TMEM94: variants seen among roughly 807,000 people sequenced by gnomAD.
TMEM94 encodes the protein transmembrane protein 94.
Under a neutral mutation model 158.6 loss-of-function variants are expected in TMEM94, and 81 were observed. The observed-to-expected ratio is 0.51, with a 90% CI of 0.43 to 0.61. TMEM94 has a LOEUF of 0.61. TMEM94 is among the 20% of genes least tolerant of loss of function. TMEM94 has a pLI of 0.00. For synonymous variants in TMEM94, 751 were observed against 730.7 expected (o/e 1.03, Z -0.45); for missense variants, 1,435 against 1,762.0 (o/e 0.81, Z 3.32).
chr17:75,495,736 A>C lies in TMEM94; in HGVS notation c.2944+93A>C. 7 of 1,250,762 alleles carry C rather than the reference A, an allele frequency of 5.6e-6. No homozygotes were observed. The highest frequency in any genetic ancestry group is 8.1e-6 in the Non-Finnish European group (7 of 868,258). 77.5% of individuals were successfully genotyped at this position (1,250,762 alleles called of 1,614,324 possible). On this transcript the variant is annotated intron_variant, in intron 22 of 31. Transcript: ENST00000314256. This position sits in a 1 kb window ranked among gnomAD's most constrained non-coding sequence, Gnocchi z 5.6. ...TACCCCGTGGGCTCTGGAGGGATGT[A>C]GGTTTCCCATGCAGGGAGTAAAGGA...
rs377026547 is a variant in TMEM94, at chr17:75,497,896, G to A, written c.3489+34G>A. On this transcript the variant is annotated intron_variant, in intron 27 of 31. Coordinates refer to ENST00000314256, the MANE Select transcript of TMEM94 (RefSeq NM_014738.6). ...AACAGACCCTGTGAGCCTTGCAAGT[G>A]AGCATGGAAGGGACTGAGGATTGGG... 14 of 1,572,496 alleles carry A rather than the reference G, an allele frequency of 8.9e-6. No individual in the cohort carries two copies. In the African/African-American group the frequency reaches 1.9e-4, roughly 21 times the overall value.
In TMEM94 at chr17:75,485,715, G is replaced by T; in HGVS notation, c.145-156G>T. The T allele has an allele frequency of 7.6e-7, 1 of 1,321,682 alleles. No individual in the cohort carries two copies. 81.9% of individuals were successfully genotyped at this position (1,321,682 alleles called of 1,614,324 possible). The stretch of plus-strand genomic sequence containing the variant: ...AGGTTCCCCTCAGAGTGGCTCCTGA[G>T]CCTGCTTGCTGCAGGAGCCCAACAG... On this transcript the variant is annotated intron_variant, in intron 3 of 31. Coordinates refer to ENST00000314256, the MANE Select transcript of TMEM94 (RefSeq NM_014738.6). The surrounding 1 kb of genome is among the most constrained non-coding windows in gnomAD (Gnocchi z 5.5).
chr17:75,471,676 T>C (rs2050508732), intron 1 of TMEM94, 124 bp from the exon 2 acceptor site: 2 of 459,880 alleles, frequency 4.3e-6, no homozygotes, highest in African/African-American at 4.1e-5. Flanking sequence ...ATCGCGCCAC[T>C]GCACTCCAGC....
In TMEM94 at chr17:75,494,737, C is replaced by T; in HGVS notation, c.2518C>T (p.Leu840Phe). ...CCAGGCCCGGCTGGACATCGTGCGC[C>T]TCATTGATGGGCTTGTCAACGCCTG... is the stretch of plus-strand genomic sequence containing the variant. ...QYQARLDIVR[L>F]IDGLVNACIR... The change falls in exon 19 of 32, where the codon CTC (leucine) becomes TTC (phenylalanine). Residue 840 changes from leucine (L) to phenylalanine (F), a missense_variant. Leu to Phe is a conservative substitution (Grantham distance 22). Around this residue, in one of 3 missense-constraint regions of TMEM94, gnomAD observed 1,051 missense variants for 1,254.4 expected, o/e 0.84. Transcript: ENST00000314256. 1.3e-5 allele frequency: 21 copies of T among 1,613,768 alleles called. No homozygotes were observed. The highest frequency in any genetic ancestry group is 1.6e-5 in the Non-Finnish European group (19 of 1,180,036).
intron 2 of TMEM94, among the ~76,000 whole-genome samples, chr17:75,474,421 A>G (rs1397492160): frequency 1.3e-5 from 2 of 152,190 alleles, no homozygotes; most frequent in Non-Finnish European, 2.9e-5. Context: ...TGGGCAGATC[A>G]CCTAAGGTCA....
chr17:75,482,516 ATATATATATATG>A (rs1359641925), intron 2 of TMEM94, among the ~76,000 whole-genome samples: 1 of 114,814 alleles, frequency 8.7e-6, no homozygotes, highest in African/African-American at 3.4e-5. Context: ...CAATTTAAAA[ATATATATATATG>A]TATGTATGTA....
In TMEM94 at chr17:75,493,884, A is replaced by G; in HGVS notation, c.2375A>G (p.Gln792Arg). ...CELPSTIPIKQNARRSSWSSD... is the reference protein window; with the variant it reads ...CELPSTIPIKRNARRSSWSSD... The stretch of plus-strand genomic sequence containing the variant: ...CTGCCCAGCACCATCCCCATCAAGC[A>G]GAACGCCCGCCGCAGCAGCTGGAGC... Residue 792 changes from glutamine to arginine, a missense_variant, in exon 18 of 32, where the codon CAG becomes CGG. Transcript: ENST00000314256. The G allele has an allele frequency of 1.2e-6, 2 of 1,611,700 alleles. No individual in the cohort carries two copies. The highest frequency in any genetic ancestry group is 8.5e-7 in the Non-Finnish European group (1 of 1,179,876).
chr17:75,472,572 C>T (rs575862944), intron 2 of TMEM94, among the ~76,000 whole-genome samples: 1 of 152,288 alleles, frequency 6.6e-6, no homozygotes, highest in African/African-American at 2.4e-5. Context: ...TTCTGTAATC[C>T]CAGCTACTTG....
intron 1 of TMEM94, among the ~76,000 whole-genome samples, chr17:75,465,261 G>A (rs985858117): frequency 5.3e-5 from 8 of 151,114 alleles, no homozygotes; most frequent in African/African-American, 1.2e-4. Context: ...ATCCTCCCCC[G>A]TCAGCCTCCC....
intron 2 of TMEM94, chr17:75,476,360 C>T (rs1174448812): frequency 6.5e-6 from 3 of 459,346 alleles, no homozygotes; most frequent in African/African-American, 2.0e-5. Context: ...TATCTGGCAG[C>T]GCGTTGGACA....
intron 1 of TMEM94, among the ~76,000 whole-genome samples, chr17:75,462,828 A>C (rs1356375324): frequency 7.9e-6 from 1 of 126,636 alleles, no homozygotes; most frequent in Non-Finnish European, 1.6e-5. Context: ...TTGTGTCTAC[A>C]AAAAAAAAAA....
Position 75,489,890 on chromosome 17 carries a change from C to A in TMEM94, c.954+228C>A. On this transcript the variant is annotated intron_variant, in intron 9 of 31. Coordinates refer to ENST00000314256, the MANE Select transcript of TMEM94 (RefSeq NM_014738.6). This position sits in a 1 kb window ranked among gnomAD's most constrained non-coding sequence, Gnocchi z 5.0. ...GGTCAAGAGATCGAGACCATCCTGGCCAATATGGTGAAACCCCGTCTCTAC... is the reference window on the plus strand; with the variant it reads ...GGTCAAGAGATCGAGACCATCCTGGACAATATGGTGAAACCCCGTCTCTAC... 1 of 588,142 alleles carries A rather than the reference C, an allele frequency of 1.7e-6. No individual in the cohort carries two copies. Among genetic ancestry groups the A allele is most frequent in the Non-Finnish European group, 3.0e-6 (1 of 328,634 alleles). The allele number at this position is 588,142 out of a possible 1,614,324, so 36.4% of individuals were successfully genotyped here.
rs780837664 is a variant in TMEM94, at chr17:75,486,360, C to T, written c.343C>T (p.Arg115Trp). Residue 115 changes from arginine (R) to tryptophan (W), a missense_variant, in exon 5 of 32, where the codon CGG (arginine) becomes TGG (tryptophan). This residue lies in a region of TMEM94 where 1,051 missense variants were observed against 1,254.4 expected (regional missense o/e 0.84). Coordinates refer to ENST00000314256, the MANE Select transcript of TMEM94 (RefSeq NM_014738.6). ...LLLLNLVLIG[R>W]QDRLKRREVE... ...GCTTCTCAACCTTGTGCTCATCGGG[C>T]GGCAAGACCGGCTGAAGCGTCGGGA... The T allele has an allele frequency of 1.5e-5, 25 of 1,614,060 alleles. No homozygotes were observed. The highest frequency in any genetic ancestry group is 1.5e-4 in the African/African-American group (11 of 74,920).
In TMEM94 at chr17:75,490,344, C is replaced by T; in HGVS notation, c.1065C>T (p.Ser355=). ...VLAQMSKASP[S]SLLAKFSEDT... is the part of the protein sequence containing the mutation. ...CCCAGATGAGCAAGGCCTCACCCAG[C>T]TCCCTGGTAGGTTTTTCCAAGGTGT... Residue 355 remains serine, a synonymous_variant, in exon 10 of 32, where the codon AGC becomes AGT. Coordinates refer to ENST00000314256, the MANE Select transcript of TMEM94 (RefSeq NM_014738.6). 1.2e-6 allele frequency: 2 copies of T among 1,613,046 alleles called. No individual in the cohort carries two copies. The highest frequency in any genetic ancestry group is 1.7e-6 in the Non-Finnish European group (2 of 1,179,762).
rs759948702 is a variant in TMEM94, at chr17:75,498,935, C to T, written c.3851C>T (p.Thr1284Met). 18 of 1,560,396 alleles carry T rather than the reference C, an allele frequency of 1.2e-5. No homozygotes were observed. Among genetic ancestry groups the T allele is most frequent in the Admixed American group, 5.4e-5 (3 of 55,158 alleles). The change falls in exon 31 of 32, where the codon ACG becomes ATG. Residue 1284 changes from threonine (T) to methionine (M), a missense_variant. Thr to Met is a moderately conservative substitution (Grantham distance 81). Coordinates refer to ENST00000314256, the MANE Select transcript of TMEM94 (RefSeq NM_014738.6). This position sits in a 1 kb window ranked among gnomAD's most constrained non-coding sequence, Gnocchi z 6.7. ...AGGCTGCTGGGTCAGGTGGTCCAGACGGCTGTGGACCTGCAGCTGTGGACA... is the reference window on the plus strand; with the variant it reads ...AGGCTGCTGGGTCAGGTGGTCCAGATGGCTGTGGACCTGCAGCTGTGGACA... ...PVVLLGQVVQ[T>M]AVDLQLWTHR...
At chr17:75,466,435 C>A (rs56330194) in intron 1 of TMEM94, among the ~76,000 whole-genome samples, 13,288 of 152,140 alleles carry the variant, frequency 0.087, 641 homozygotes, top group Non-Finnish European at 0.1. Flanking sequence ...AATTGTTTTG[C>A]CTATTCTTGG....
chr17:75,489,380 G>A lies in TMEM94; in HGVS notation c.867+12G>A, dbSNP rs148322850. 2.1e-5 allele frequency: 34 copies of A among 1,609,978 alleles called. No homozygotes were observed. Among genetic ancestry groups the A allele is most frequent in the South Asian group, 1.4e-4 (13 of 91,026 alleles). On this transcript the variant is annotated intron_variant, in intron 8 of 31. Transcript: ENST00000314256. The surrounding 1 kb of genome is among the most constrained non-coding windows in gnomAD (Gnocchi z 5.0). Reference sequence around the variant, plus strand: ...TGCCCGTGGTCCTGGTGCGTGTGGCGGGGCTGTGCGGGGCTGCATGGGGCA... The same window carrying A: ...TGCCCGTGGTCCTGGTGCGTGTGGCAGGGCTGTGCGGGGCTGCATGGGGCA...
chr17:75,460,466 C>G (rs1346545929), intron 1 of TMEM94, among the ~76,000 whole-genome samples: 1 of 151,382 alleles, frequency 6.6e-6, no homozygotes, highest in African/African-American at 2.4e-5. Flanking sequence ...GGGAATGTTG[C>G]TTAGCTATAA....
intron 2 of TMEM94, among the ~76,000 whole-genome samples, chr17:75,479,127 T>C (rs950045660): frequency 6.6e-6 from 1 of 152,058 alleles, no homozygotes; most frequent in Non-Finnish European, 1.5e-5. Flanking sequence ...TCAGAAAGTA[T>C]GAAGGTCTTC....
Sources: gnomAD v4.1 joint callset for allele counts (sites outside exome capture counted in the v4.1 genomes callset) on GRCh38, gnomAD v4.1.1 for gene constraint, gnomAD v4.1.1 regional missense constraint, Gnocchi (gnomAD v3.1) non-coding constraint, MANE v1.5 for transcripts, NCBI Gene and HGNC (gene_info 2026-07-23, HGNC 2026-07-21) for gene names.